SMTNL2: variants seen among roughly 807,000 people sequenced by gnomAD.
SMTNL2 encodes the protein smoothelin-like protein 2.
In SMTNL2, 43 loss-of-function variants were observed where a neutral mutation model predicts 44.1. The ratio of observed to expected loss-of-function variants is 0.98; its 90% CI spans 0.76 to 1.26. SMTNL2 has a LOEUF of 1.26. Among genes scored for constraint, SMTNL2 ranks in the 50% most tolerant of loss-of-function variants. The pLI, the probability that SMTNL2 is intolerant of heterozygous loss-of-function variation, is 0.00. For synonymous variants in SMTNL2, 317 were observed against 287.6 expected (o/e 1.10, Z -1.03); for missense variants, 646 against 670.2 (o/e 0.96, Z 0.40).
chr17:4,587,162 T>C (rs1439565599), intron 1 of SMTNL2, among the ~76,000 whole-genome samples: 2 of 152,036 alleles, frequency 1.3e-5, no homozygotes, highest in African/African-American at 4.8e-5. Flanking sequence ...CGTCGGCCTG[T>C]TGGGGAGTGA....
intron 1 of SMTNL2, among the ~76,000 whole-genome samples, chr17:4,590,232 G>T (rs1224083140): frequency 6.6e-6 from 1 of 151,996 alleles, no homozygotes; most frequent in Non-Finnish European, 1.5e-5. Context: ...CTCCCAAAGT[G>T]CTAGGATGAC....
intron 1 of SMTNL2, among the ~76,000 whole-genome samples, chr17:4,588,380 A>G (rs1458245675): frequency 6.6e-6 from 1 of 152,136 alleles, no homozygotes; most frequent in African/African-American, 2.4e-5. Flanking sequence ...GGGCTCCCTC[A>G]TGGGGCACCT....
In SMTNL2 at chr17:4,592,936, C is replaced by T. The variant is rs1909638893; in HGVS notation, c.495C>T (p.Gly165=). The change falls in exon 3 of 8, where the codon GGC becomes GGT. Residue 165 remains glycine (G), a synonymous_variant. Coordinates refer to ENST00000389313, the MANE Select transcript of SMTNL2 (RefSeq NM_001114974.2). The surrounding 1 kb of genome is among the most constrained non-coding windows in gnomAD (Gnocchi z 4.5). Reference sequence around the variant, plus strand: ...GCTGGTCACATGTTCCAGGTCCAGGCGATGGACCCCCTGAGATTGCCCAAA... The same window carrying T: ...GCTGGTCACATGTTCCAGGTCCAGGTGATGGACCCCCTGAGATTGCCCAAA... ...ENGHQPGAGP[G]DGPPEIAQNF... 6.2e-7 allele frequency: 1 copy of T among 1,611,074 alleles called. No individual in the cohort carries two copies. The highest frequency in any genetic ancestry group is 8.5e-7 in the Non-Finnish European group (1 of 1,177,896).
chr17:4,584,432 G>A (rs1188266736), upstream of SMTNL2: 2 of 595,990 alleles, frequency 3.4e-6, no homozygotes. Context: ...TCCAGGGCAG[G>A]GGGGTGTCCC....
chr17:4,592,244 T>G lies in SMTNL2; in HGVS notation c.400-117T>G. On this transcript the variant is annotated intron_variant, in intron 1 of 7. Transcript: ENST00000389313. The surrounding 1 kb of genome is among the most constrained non-coding windows in gnomAD (Gnocchi z 4.5). Reference sequence around the variant, plus strand: ...GTCACTTTCTTCCTGGGGGCTGTTTTCTCTCAACATGATTGGTGTTTTGCC... The same window carrying G: ...GTCACTTTCTTCCTGGGGGCTGTTTGCTCTCAACATGATTGGTGTTTTGCC... The G allele has an allele frequency of 1.0e-6, 1 of 970,950 alleles. No individual in the cohort carries two copies. Among genetic ancestry groups the G allele is most frequent in the East Asian group, 2.6e-5 (1 of 39,208 alleles). 60.1% of individuals were successfully genotyped at this position (970,950 alleles called of 1,614,324 possible).
At chr17:4,594,476 T>TAA (rs962895763) in intron 4 of SMTNL2, among the ~76,000 whole-genome samples, 4 of 151,344 alleles carry the variant, frequency 2.6e-5, no homozygotes, top group Non-Finnish European at 5.9e-5. Flanking sequence ...AATAAATAAA[T>TAA]AAATGAATAA....
intron 7 of SMTNL2, among the ~76,000 whole-genome samples, chr17:4,603,337 G>A (rs1231509479): frequency 6.6e-6 from 1 of 152,118 alleles, no homozygotes; most frequent in Non-Finnish European, 1.5e-5. Flanking sequence ...TTCTTCTGGC[G>A]TGTGAAGGGT....
chr17:4,604,839 T>TGG (rs1910202593), intron 7 of SMTNL2, among the ~76,000 whole-genome samples: 2 of 151,552 alleles, frequency 1.3e-5, no homozygotes, highest in Non-Finnish European at 3.0e-5. Flanking sequence ...GCCTGGCTAA[T>TGG]TTTGTGTTTT....
intron 4 of SMTNL2, 72 bp downstream of exon 4, chr17:4,593,969 C>T (rs1909695266): frequency 1.3e-6 from 2 of 1,552,660 alleles, no homozygotes; most frequent in Non-Finnish European, 1.8e-6. Flanking sequence ...CGCAGGCCGC[C>T]CAGGGTTGGC....
Position 4,607,504 on chromosome 17 carries a change from T to C in SMTNL2, c.*17T>C. ...TTCGAGTAAAGCCCCTGAGCCTGGA[T>C]TGCCAAAGAGCAGCCCCAGGAAGAG... On this transcript the variant is annotated 3_prime_UTR_variant, in exon 8 of 8. Transcript: ENST00000389313. The surrounding 1 kb of genome is among the most constrained non-coding windows in gnomAD (Gnocchi z 4.7). 1 of 1,613,010 alleles carries C rather than the reference T, an allele frequency of 6.2e-7. No individual in the cohort carries two copies. The highest frequency in any genetic ancestry group is 1.1e-5 in the South Asian group (1 of 91,030).
At position 4,607,477 on chromosome 17, in the gene SMTNL2, G is replaced by T. The variant is rs113952457; in HGVS notation, c.1376G>T (p.Arg459Leu). Residue 459 changes from arginine (R) to leucine (L), a missense_variant, in exon 8 of 8, where the codon CGC becomes CTC. Physicochemically the swap from Arg to Leu is moderately radical, Grantham distance 102 (BLOSUM62 -2). Transcript: ENST00000389313. This position sits in a 1 kb window ranked among gnomAD's most constrained non-coding sequence, Gnocchi z 4.7. ...YVQSLYNHLR[R>L]FE ...CAGTCGCTGTACAACCACCTGCGTC[G>T]CTTCGAGTAAAGCCCCTGAGCCTGG... The T allele has an allele frequency of 3.1e-6, 5 of 1,614,078 alleles. No homozygotes were observed. The highest frequency in any genetic ancestry group is 4.2e-6 in the Non-Finnish European group (5 of 1,179,976).
chr17:4,602,828 G>A (rs1302636239), intron 7 of SMTNL2, among the ~76,000 whole-genome samples: 1 of 152,308 alleles, frequency 6.6e-6, no homozygotes, highest in Middle Eastern at 3.4e-3. Flanking sequence ...AAAGGTGGCA[G>A]GTGAAGAAAA....
intron 7 of SMTNL2, among the ~76,000 whole-genome samples, chr17:4,605,570 T>C (rs1910235779): frequency 6.6e-6 from 1 of 152,160 alleles, no homozygotes; most frequent in Non-Finnish European, 1.5e-5. Flanking sequence ...AATTCACAGA[T>C]GGAGAAACTG....
At chr17:4,602,513 G>A (rs1372372788) in intron 7 of SMTNL2, among the ~76,000 whole-genome samples, 1 of 152,034 alleles carries the variant, frequency 6.6e-6, no homozygotes, top group East Asian at 1.9e-4. Flanking sequence ...AGTAGAGATG[G>A]GGTTTCACCA....
intron 4 of SMTNL2, 130 bp downstream of exon 4, chr17:4,594,027 C>A: frequency 2.3e-6 from 2 of 869,264 alleles, no homozygotes; most frequent in Non-Finnish European, 3.7e-6. Flanking sequence ...ATCTCGGGAG[C>A]ACTGGGCGGC....
chr17:4,590,968 T>C (rs1224653618), intron 1 of SMTNL2, among the ~76,000 whole-genome samples: 5 of 152,186 alleles, frequency 3.3e-5, no homozygotes, highest in Non-Finnish European at 7.4e-5. Context: ...ATGATCAGGA[T>C]ACCTGTGCCT....
At chr17:4,585,088 C>T in intron 1 of SMTNL2, 84 bp downstream of exon 1, 1 of 1,242,394 alleles carries the variant, frequency 8.0e-7, no homozygotes, top group Non-Finnish European at 1.0e-6. Flanking sequence ...CTGCCTGCCT[C>T]TGCTCGCGTC....
At chr17:4,587,395 T>C (rs1333667173) in intron 1 of SMTNL2, among the ~76,000 whole-genome samples, 1 of 152,210 alleles carries the variant, frequency 6.6e-6, no homozygotes, top group Admixed American at 6.5e-5. Context: ...CAGACCAGTG[T>C]CCAGCATTGA....
At chr17:4,585,124 G>T (rs1029889804) in intron 1 of SMTNL2, 120 bp downstream of exon 1, 12 of 1,156,012 alleles carry the variant, frequency 1.0e-5, no homozygotes, top group South Asian at 3.6e-5. Flanking sequence ...TTCACCGGCC[G>T]CTCGGACTAG....
Sources: allele counts gnomAD v4.1 joint callset (sites outside exome capture counted in the v4.1 genomes callset), GRCh38; gene constraint gnomAD v4.1.1; non-coding constraint Gnocchi (gnomAD v3.1); transcripts MANE v1.5; gene names NCBI Gene and HGNC (gene_info 2026-07-23, HGNC 2026-07-21).